The following HNF4G variants were observed in gnomAD, a reference collection of about 807,000 sequenced individuals.
The protein encoded by HNF4G is hepatocyte nuclear factor 4 gamma, also known as hepatocyte nuclear factor 4-gamma.
A neutral mutation model predicts 50.9 loss-of-function variants in HNF4G; 21 were observed. The ratio of observed to expected loss-of-function variants is 0.41; its 90% CI spans 0.29 to 0.59. HNF4G has a LOEUF of 0.59. HNF4G is among the 20% of genes least tolerant of loss of function. The pLI is 0.26. For synonymous variants in HNF4G, 198 were observed against 185.6 expected, an observed-to-expected ratio of 1.07 and a Z score of -0.54; for missense variants, 527 against 559.4, an observed-to-expected ratio of 0.94 and a Z score of 0.58.
chr8:75,474,636 A>G (rs552108975), intron 1 of HNF4G, among the ~76,000 whole-genome samples: 2 of 152,262 alleles, frequency 1.3e-5, no homozygotes, highest in African/African-American at 4.8e-5. Context: ...GAGGAAATTC[A>G]GAGGTCAAGA....
intron 1 of HNF4G, among the ~76,000 whole-genome samples, chr8:75,430,150 CAA>C (rs71271861): frequency 7.1e-4 from 85 of 118,932 alleles, no homozygotes; most frequent in South Asian, 8.1e-4. Flanking sequence ...GATCTTGTTT[CAA>C]AAAAAAAAAA....
chr8:75,560,218 T>C (rs1426454076), intron 8 of HNF4G, 126 bp from the exon 9 acceptor site: 9 of 870,300 alleles, frequency 1.0e-5, no homozygotes, highest in Non-Finnish European at 1.6e-5. Context: ...AATTTATTTT[T>C]GAATTCCCAA....
At chr8:75,453,268 G>A (rs1432959763) in intron 1 of HNF4G, among the ~76,000 whole-genome samples, 1 of 152,172 alleles carries the variant, frequency 6.6e-6, no homozygotes, top group East Asian at 1.9e-4. Flanking sequence ...TTTCTGTCTA[G>A]CAAGAGGTTT....
At chr8:75,426,729 T>A (rs1030232100) in intron 1 of HNF4G, among the ~76,000 whole-genome samples, 2 of 151,338 alleles carry the variant, frequency 1.3e-5, no homozygotes, top group Non-Finnish European at 3.0e-5. Flanking sequence ...GCAATTCTTA[T>A]TTATTGGAGG....
chr8:75,531,057 G>C (rs933721154), intron 2 of HNF4G, among the ~76,000 whole-genome samples: 1 of 152,086 alleles, frequency 6.6e-6, no homozygotes, highest in African/African-American at 2.4e-5. Context: ...GCCTCCCAAG[G>C]TGCTGGGATT....
intron 2 of HNF4G, among the ~76,000 whole-genome samples, chr8:75,530,892 G>A (rs889708114): frequency 5.3e-5 from 8 of 149,778 alleles, no homozygotes; most frequent in Admixed American, 4.0e-4. Context: ...TCCTGGGTTC[G>A]AGTGATTCTC....
intron 1 of HNF4G, among the ~76,000 whole-genome samples, chr8:75,430,788 T>C (rs930957380): frequency 6.6e-6 from 1 of 152,066 alleles, no homozygotes; most frequent in Non-Finnish European, 1.5e-5. Flanking sequence ...ATAGATAAAA[T>C]TTCAAAGGAT....
chr8:75,464,069 C>T (rs907452971), intron 1 of HNF4G, among the ~76,000 whole-genome samples: 23 of 151,940 alleles, frequency 1.5e-4, no homozygotes, highest in African/African-American at 4.8e-4. Context: ...CCACCGTGCC[C>T]GGACACATTG....
chr8:75,476,748 G>A (rs910566822), intron 1 of HNF4G, among the ~76,000 whole-genome samples: 2 of 152,114 alleles, frequency 1.3e-5, no homozygotes, highest in Non-Finnish European at 2.9e-5. Flanking sequence ...AAAGAGGGGC[G>A]GGGCAGGGCT....
intron 1 of HNF4G, among the ~76,000 whole-genome samples, chr8:75,448,743 G>A (rs1811496641): frequency 6.6e-6 from 1 of 151,734 alleles, no homozygotes; most frequent in South Asian, 2.1e-4. Flanking sequence ...TTGGGATAAG[G>A]AAAATTTTCC....
At chr8:75,562,125 C>T (rs1189328571) in intron 9 of HNF4G, among the ~76,000 whole-genome samples, 1 of 119,260 alleles carries the variant, frequency 8.4e-6, no homozygotes, top group Non-Finnish European at 1.7e-5. Flanking sequence ...TCTTTAATAG[C>T]TAGCTACAGC....
chr8:75,540,752 T>G (rs1329502158), intron 1 of HNF4G, among the ~76,000 whole-genome samples: 1 of 152,078 alleles, frequency 6.6e-6, no homozygotes, highest in East Asian at 1.9e-4. Context: ...TGACTTTGAA[T>G]TTAGACTTAA....
rs1444654790 is a variant in HNF4G, at chr8:75,523,878, T to A, written c.-23-19933T>A. Among the ~76,000 whole-genome samples, 6 of 152,094 alleles carry A rather than the reference T, an allele frequency of 3.9e-5. No homozygotes were observed. In the East Asian group the frequency reaches 1.2e-3, roughly 29 times the overall value. ...AGTATTGGTAATTGTCTTATCTTTATCAAATAATATTCTTAGTGTAATAAT... is the reference window on the plus strand; with the variant it reads ...AGTATTGGTAATTGTCTTATCTTTAACAAATAATATTCTTAGTGTAATAAT... On this transcript the variant is annotated intron_variant, in intron 2 of 10. Transcript: ENST00000354370.
intron 2 of HNF4G, among the ~76,000 whole-genome samples, chr8:75,526,398 A>G (rs914755798): frequency 6.6e-6 from 1 of 152,176 alleles, no homozygotes; most frequent in Non-Finnish European, 1.5e-5. Flanking sequence ...GGACATATAC[A>G]GAGTGGTGGA....
At chr8:75,550,616 C>T (rs1227817679) in intron 3 of HNF4G, among the ~76,000 whole-genome samples, 1 of 151,956 alleles carries the variant, frequency 6.6e-6, no homozygotes, top group Non-Finnish European at 1.5e-5. Context: ...CTCTGGTAAA[C>T]ATGTGAGTTA....
intron 1 of HNF4G, among the ~76,000 whole-genome samples, chr8:75,420,109 GTCT>G (rs1488025096): frequency 1.3e-5 from 2 of 151,862 alleles, no homozygotes; most frequent in African/African-American, 4.8e-5. Flanking sequence ...AAAGCCAGGA[GTCT>G]TCTTAATTTC....
At chr8:75,451,466 T>C (rs561901678) in intron 1 of HNF4G, among the ~76,000 whole-genome samples, 89 of 152,338 alleles carry the variant, frequency 5.8e-4, no homozygotes, top group African/African-American at 1.7e-3. Context: ...GGTAGTTTTA[T>C]AGTTTCAGGT....
chr8:75,425,434 A>G (rs1295977331), intron 1 of HNF4G, among the ~76,000 whole-genome samples: 2 of 151,834 alleles, frequency 1.3e-5, no homozygotes, highest in Non-Finnish European at 2.9e-5. Flanking sequence ...TCCAGAAGTT[A>G]ATTTAGTGAG....
chr8:75,549,549 CT>C (rs1043888492), intron 3 of HNF4G, among the ~76,000 whole-genome samples: 465 of 131,410 alleles, frequency 3.5e-3, no homozygotes, highest in African/African-American at 4.8e-3. Flanking sequence ...CTCACTCTTT[CT>C]TTTTTTTTTT....
Sources: gnomAD v4.1 joint callset for allele counts (sites outside exome capture counted in the v4.1 genomes callset) on GRCh38, gnomAD v4.1.1 for gene constraint, MANE v1.5 for transcripts, NCBI Gene and HGNC (gene_info 2026-07-23, HGNC 2026-07-21) for gene names.